The following CSMD1 variants were observed in gnomAD, a reference collection of about 807,000 sequenced individuals.
The protein encoded by CSMD1 is CUB and sushi domain-containing protein 1.
A neutral mutation model predicts 417.5 loss-of-function variants in CSMD1; 213 were observed. That is an observed-to-expected ratio of 0.51 (90% confidence interval 0.46 to 0.57). The LOEUF is 0.57. Ranked by LOEUF, CSMD1 falls within the 20% of genes least tolerant of loss-of-function variation. The pLI, the probability that CSMD1 is intolerant of heterozygous loss-of-function variation, is 0.00. For missense variants in CSMD1, 6,923 were observed against 4,529.7 expected, an observed-to-expected ratio of 1.53 and a Z score of -15.17; for synonymous variants, 2,862 against 1,736.8, an observed-to-expected ratio of 1.65 and a Z score of -16.11.
intron 3 of CSMD1, among the ~76,000 whole-genome samples, chr8:4,190,664 A>C (rs6989172): frequency 6.6e-6 from 1 of 151,598 alleles, no homozygotes; most frequent in Non-Finnish European, 1.5e-5. Context: ...GAAATCTTTG[A>C]CTATATAACC....
intron 49 of CSMD1, among the ~76,000 whole-genome samples, chr8:3,066,029 G>A (rs1262407798): frequency 2.0e-5 from 3 of 152,042 alleles, no homozygotes; most frequent in Non-Finnish European, 4.4e-5. Context: ...CATAATAATG[G>A]GCCAACTTTC....
intron 1 of CSMD1, among the ~76,000 whole-genome samples, chr8:4,740,086 G>A (rs1810508714): frequency 2.0e-5 from 3 of 151,960 alleles, no homozygotes; most frequent in Admixed American, 2.0e-4. Flanking sequence ...AGAATCTGAT[G>A]GCTCTCTGTC....
At chr8:2,982,683 C>G (rs1309983170) in intron 54 of CSMD1, among the ~76,000 whole-genome samples, 2 of 152,238 alleles carry the variant, frequency 1.3e-5, no homozygotes, top group Non-Finnish European at 1.5e-5. Flanking sequence ...CTGCCATGTG[C>G]TCACTAACCA....
intron 3 of CSMD1, among the ~76,000 whole-genome samples, chr8:4,409,139 C>T (rs1796504906): frequency 6.6e-6 from 1 of 152,088 alleles, no homozygotes; most frequent in African/African-American, 2.4e-5. Context: ...ATTTAATGTA[C>T]TATACCTGTA....
intron 54 of CSMD1, among the ~76,000 whole-genome samples, chr8:2,989,603 A>G (rs1806204704): frequency 6.6e-6 from 1 of 152,246 alleles, no homozygotes; most frequent in Admixed American, 6.5e-5. Flanking sequence ...TGCATCAACG[A>G]ATTTGTTTAA....
At chr8:4,765,484 G>C (rs573372788) in intron 1 of CSMD1, among the ~76,000 whole-genome samples, 2 of 152,202 alleles carry the variant, frequency 1.3e-5, no homozygotes, top group East Asian at 1.9e-4. Context: ...AGTGTTTGCA[G>C]ATGCCTATTT....
At chr8:3,969,895 T>C (rs1301763631) in intron 5 of CSMD1, among the ~76,000 whole-genome samples, 1 of 152,002 alleles carries the variant, frequency 6.6e-6, no homozygotes, top group Non-Finnish European at 1.5e-5. Flanking sequence ...CTCTGGATAA[T>C]TTGCAAAAAC....
intron 3 of CSMD1, among the ~76,000 whole-genome samples, chr8:4,389,243 G>A (rs760309188): frequency 6.6e-6 from 1 of 152,024 alleles, no homozygotes; most frequent in African/African-American, 2.4e-5. Flanking sequence ...TCCTCTTTGG[G>A]TCATATATTA....
At chr8:3,588,204 T>C (rs962677601) in intron 8 of CSMD1, among the ~76,000 whole-genome samples, 1 of 152,162 alleles carries the variant, frequency 6.6e-6, no homozygotes, top group Non-Finnish European at 1.5e-5. Flanking sequence ...TCATTGAACA[T>C]CTGCTATGTG....
At chr8:4,935,232 C>G (rs1218912393) in intron 1 of CSMD1, among the ~76,000 whole-genome samples, 2 of 152,190 alleles carry the variant, frequency 1.3e-5, no homozygotes, top group Non-Finnish European at 2.9e-5. Flanking sequence ...ATCCAGAGTT[C>G]TTCCTGCCCC....
At chr8:4,946,225 C>T (rs1338459405) in intron 1 of CSMD1, among the ~76,000 whole-genome samples, 1 of 152,178 alleles carries the variant, frequency 6.6e-6, no homozygotes, top group African/African-American at 2.4e-5. Context: ...ATCTAAATCC[C>T]TGTCTTGTTA....
chr8:4,300,808 G>C (rs1000445661), intron 3 of CSMD1, among the ~76,000 whole-genome samples: 2 of 152,104 alleles, frequency 1.3e-5, no homozygotes, highest in African/African-American at 4.8e-5. Flanking sequence ...CCTGGCAATA[G>C]TTTGCTGAGA....
intron 1 of CSMD1, among the ~76,000 whole-genome samples, chr8:4,856,021 C>T (rs565134232): frequency 3.8e-3 from 576 of 152,070 alleles, no homozygotes; most frequent in Non-Finnish European, 5.8e-3. Flanking sequence ...AGAGAAAGGT[C>T]GGGTTACCCT....
chr8:3,351,317 G>C (rs911920241), intron 21 of CSMD1, among the ~76,000 whole-genome samples: 3 of 152,080 alleles, frequency 2.0e-5, no homozygotes, highest in East Asian at 1.9e-4. Flanking sequence ...TGCTATGAAA[G>C]TATACAAACT....
At chr8:3,756,788 A>G (rs1441990083) in intron 5 of CSMD1, among the ~76,000 whole-genome samples, 1 of 150,436 alleles carries the variant, frequency 6.6e-6, no homozygotes, top group Non-Finnish European at 1.5e-5. Flanking sequence ...GACTGAAAAA[A>G]CCAGGTGGAA....
intron 30 of CSMD1, among the ~76,000 whole-genome samples, chr8:3,213,879 A>G (rs968125127): frequency 6.6e-6 from 1 of 150,832 alleles, no homozygotes; most frequent in Non-Finnish European, 1.5e-5. Flanking sequence ...TATATATGAG[A>G]TGGAGTCTTG....
chr8:4,470,267 C>T (rs891746315), intron 2 of CSMD1, among the ~76,000 whole-genome samples: 2 of 152,206 alleles, frequency 1.3e-5, no homozygotes, highest in Non-Finnish European at 2.9e-5. Context: ...GGCTCCTCCT[C>T]TATCCCGAGC....
At chr8:3,916,631 A>T (rs977577745) in intron 5 of CSMD1, among the ~76,000 whole-genome samples, 2 of 152,200 alleles carry the variant, frequency 1.3e-5, no homozygotes, top group South Asian at 2.1e-4. Flanking sequence ...TGTACTTAAC[A>T]TATAGGTACC....
chr8:3,312,637 A>G lies in CSMD1; in HGVS notation c.3632-4134T>C, dbSNP rs941480103. Among the ~76,000 whole-genome samples, 3 of 152,178 alleles carry G rather than the reference A, an allele frequency of 2.0e-5. No individual in the cohort carries two copies. The South Asian group carries it at 6.2e-4, about 32-fold the overall frequency. ...AAGTAGCATTGGAATCACAGCCATC[A>G]ATACCTTGAAGGACTAGAGAAACAT... On this transcript the variant is annotated intron_variant, in intron 23 of 69. Transcript: ENST00000635120.
Sources: allele counts gnomAD v4.1 joint callset (sites outside exome capture counted in the v4.1 genomes callset), GRCh38; gene constraint gnomAD v4.1.1; transcripts MANE v1.5; gene names NCBI Gene and HGNC (gene_info 2026-07-23, HGNC 2026-07-21).